The following KSR2 variants were observed in gnomAD, a reference collection of about 807,000 sequenced individuals.
The protein encoded by KSR2 is kinase suppressor of ras 2.
Under a neutral mutation model 107.8 loss-of-function variants are expected in KSR2, and 25 were observed. That is an observed-to-expected ratio of 0.23 (90% confidence interval 0.17 to 0.32). KSR2 has a LOEUF of 0.32. KSR2 is among the 10% of genes least tolerant of loss of function. The pLI, the probability that KSR2 is intolerant of heterozygous loss-of-function variation, is 1.00. For synonymous variants in KSR2, 480 were observed against 507.0 expected (o/e 0.95, Z 0.71); for missense variants, 887 against 1,268.9 (o/e 0.70, Z 4.57).
chr12:117,749,808 A>G (rs1030454937), intron 4 of KSR2, among the ~76,000 whole-genome samples: 2 of 152,190 alleles, frequency 1.3e-5, no homozygotes, highest in Admixed American at 6.5e-5. Flanking sequence ...TTCAGCAGCT[A>G]GGGGATTGTG....
chr12:117,925,175 G>A (rs1895474226), intron 1 of KSR2, among the ~76,000 whole-genome samples: 1 of 150,928 alleles, frequency 6.6e-6, no homozygotes. Flanking sequence ...CCAGGCTGGA[G>A]TGCAGTGGTT....
chr12:117,908,905 C>T (rs973767609), intron 1 of KSR2, among the ~76,000 whole-genome samples: 26 of 152,126 alleles, frequency 1.7e-4, no homozygotes, highest in African/African-American at 5.8e-4. Flanking sequence ...TATTCTGTAT[C>T]ACTACATTGA....
chr12:117,848,841 G>GTGA lies in KSR2; in HGVS notation c.472+6584_472+6586dup, dbSNP rs368550228. ...GTGGGTGGTGATGGTGGTAGTGGTG[G>GTGA]TGATGGTGATGATGGTGATGATGGT... On this transcript the variant is annotated intron_variant, in intron 3 of 19. Transcript: ENST00000339824. 4.8e-3 allele frequency among the ~76,000 whole-genome samples: 686 copies of GTGA among 141,872 alleles called. 14 individuals are homozygous for GTGA. In the East Asian group the frequency reaches 0.055, roughly 11 times the overall value. The allele number at this position is 141,872 out of a possible 152,430, so 93.1% of individuals were successfully genotyped here.
intron 3 of KSR2, among the ~76,000 whole-genome samples, chr12:117,849,085 A>G (rs1213278070): frequency 6.6e-6 from 1 of 152,024 alleles, no homozygotes; most frequent in Non-Finnish European, 1.5e-5. Context: ...CAGATTCCAT[A>G]CTCCTAGAAG....
intron 1 of KSR2, among the ~76,000 whole-genome samples, chr12:117,911,364 T>G (rs1054911963): frequency 6.6e-6 from 1 of 152,180 alleles, no homozygotes; most frequent in African/African-American, 2.4e-5. Context: ...GAGAAGAGCA[T>G]GTTCAGGCAG....
intron 5 of KSR2, among the ~76,000 whole-genome samples, chr12:117,633,988 C>T (rs995703711): frequency 1.3e-5 from 2 of 152,184 alleles, no homozygotes; most frequent in African/African-American, 4.8e-5. Context: ...AATTTTGGAA[C>T]TATCTGGATG....
At chr12:117,562,162 T>C (rs1878171440) in intron 7 of KSR2, among the ~76,000 whole-genome samples, 1 of 151,530 alleles carries the variant, frequency 6.6e-6, no homozygotes, top group African/African-American at 2.4e-5. Context: ...GCAGAACAAG[T>C]GTGGTGAGTT....
chr12:117,873,335 T>A lies in KSR2; in HGVS notation c.181-12904A>T, dbSNP rs116314304. Among the ~76,000 whole-genome samples, 520 of 146,128 alleles carry A rather than the reference T, an allele frequency of 3.6e-3. 2 individuals are homozygous for A. Among genetic ancestry groups the A allele is most frequent in the African/African-American group, 0.012 (467 of 38,562 alleles). Reference sequence around the variant, plus strand: ...CTCCAGCTTGGGCACCAGAGCGAGATTCTGTCTCAAAAGAAAAAAAAAAAA... The same window carrying A: ...CTCCAGCTTGGGCACCAGAGCGAGAATCTGTCTCAAAAGAAAAAAAAAAAA... On this transcript the variant is annotated intron_variant, in intron 1 of 19. Coordinates refer to ENST00000339824, the MANE Select transcript of KSR2 (RefSeq NM_173598.6).
chr12:117,599,850 C>A (rs10774941), intron 5 of KSR2, among the ~76,000 whole-genome samples: 52,281 of 152,054 alleles, frequency 0.34, 10,133 homozygotes, highest in African/African-American at 0.52. Flanking sequence ...GTGGGTTGAA[C>A]GGTGACCATG....
chr12:117,660,150 A>G (rs1223814576), intron 5 of KSR2, among the ~76,000 whole-genome samples: 1 of 152,224 alleles, frequency 6.6e-6, no homozygotes, highest in East Asian at 1.9e-4. Context: ...TGCCATGATT[A>G]TACAGATTGG....
chr12:117,944,020 A>G lies in KSR2; in HGVS notation c.180+24056T>C, dbSNP rs180787319. Reference sequence around the variant, plus strand: ...ATTGTGCCTTTCACCTTCCACCATGATAGTGAGGCTTCCCCAGCTATGTTG... The same window carrying G: ...ATTGTGCCTTTCACCTTCCACCATGGTAGTGAGGCTTCCCCAGCTATGTTG... On this transcript the variant is annotated intron_variant, in intron 1 of 19. Transcript: ENST00000339824. Among the ~76,000 whole-genome samples, 8 of 152,282 alleles carry G rather than the reference A, an allele frequency of 5.3e-5. No individual in the cohort carries two copies. The East Asian group carries it at 1.2e-3, about 22-fold the overall frequency.
At chr12:117,644,719 T>C (rs1040697001) in intron 5 of KSR2, among the ~76,000 whole-genome samples, 11 of 152,150 alleles carry the variant, frequency 7.2e-5, no homozygotes, top group Non-Finnish European at 1.0e-4. Flanking sequence ...AGTACAATCT[T>C]GAATAATCAG....
chr12:117,945,500 C>T (rs1896153486), intron 1 of KSR2, among the ~76,000 whole-genome samples: 1 of 152,024 alleles, frequency 6.6e-6, no homozygotes. Flanking sequence ...TGTGGTGAAA[C>T]CCTATCTCTA....
chr12:117,667,420 G>A (rs571885887), intron 5 of KSR2, 54 bp downstream of exon 5: 2 of 1,520,780 alleles, frequency 1.3e-6, no homozygotes, highest in South Asian at 1.2e-5. Flanking sequence ...AGGTGCTGGG[G>A]AGAAGGAGGT....
At chr12:117,833,790 T>C (rs901320651) in intron 3 of KSR2, among the ~76,000 whole-genome samples, 11 of 152,166 alleles carry the variant, frequency 7.2e-5, no homozygotes, top group Admixed American at 6.5e-4. Context: ...TCTCAACCTA[T>C]TTTGAACCCA....
At chr12:117,501,921 C>A (rs983555297) in intron 14 of KSR2, among the ~76,000 whole-genome samples, 8 of 152,226 alleles carry the variant, frequency 5.3e-5, no homozygotes, top group African/African-American at 1.7e-4. Flanking sequence ...AGCTCCTGGA[C>A]ATTAAATTAG....
At chr12:117,774,092 CT>C (rs1889601111) in intron 3 of KSR2, among the ~76,000 whole-genome samples, 1 of 152,108 alleles carries the variant, frequency 6.6e-6, no homozygotes, top group East Asian at 1.9e-4. Flanking sequence ...CTGGAGCCCC[CT>C]AACCCCTCAG....
At chr12:117,646,635 C>T (rs951312509) in intron 5 of KSR2, among the ~76,000 whole-genome samples, 1 of 152,134 alleles carries the variant, frequency 6.6e-6, no homozygotes, top group Non-Finnish European at 1.5e-5. Flanking sequence ...GGATCCAGGA[C>T]CCCAGGCTTG....
intron 10 of KSR2, among the ~76,000 whole-genome samples, chr12:117,538,786 C>A (rs558675934): frequency 1.3e-5 from 2 of 152,218 alleles, no homozygotes; most frequent in African/African-American, 4.8e-5. Flanking sequence ...CTAGCAGATA[C>A]CATGTTGAAC....
Sources: allele counts gnomAD v4.1 joint callset (sites outside exome capture counted in the v4.1 genomes callset), GRCh38; gene constraint gnomAD v4.1.1; transcripts MANE v1.5; gene names NCBI Gene and HGNC (gene_info 2026-07-23, HGNC 2026-07-21).